ITGA11: variants seen among roughly 807,000 people sequenced by gnomAD.
The protein encoded by ITGA11 is integrin subunit alpha 11.
A neutral mutation model predicts 141.9 loss-of-function variants in ITGA11; 97 were observed. The observed-to-expected ratio is 0.68, with a 90% CI of 0.58 to 0.81. The LOEUF (loss-of-function observed/expected upper bound fraction) is 0.81. Ranked by LOEUF, ITGA11 falls within the 30% of genes least tolerant of loss-of-function variation. The pLI, the probability that ITGA11 is intolerant of heterozygous loss-of-function variation, is 0.00. For synonymous variants in ITGA11, 658 were observed against 624.6 expected (o/e 1.05, Z -0.80); for missense variants, 1,387 against 1,559.2 (o/e 0.89, Z 1.86).
At chr15:68,350,587 G>A (rs1488179401) in intron 9 of ITGA11, 30 bp downstream of exon 9, 1 of 1,601,208 alleles carries the variant, frequency 6.2e-7, no homozygotes, top group Non-Finnish European at 8.5e-7. Context: ...CCAGGAGAGA[G>A]TGGATCCCCT....
chr15:68,311,117 G>A lies in ITGA11; in HGVS notation c.3088-37C>T, dbSNP rs1377862694. Reference sequence around the variant, plus strand: ...ACATGGACACACACACACATACACAGCCTCACAACCAGCTCTGGCAGACGC... The same window carrying A: ...ACATGGACACACACACACATACACAACCTCACAACCAGCTCTGGCAGACGC... On this transcript the variant is annotated intron_variant, in intron 25 of 29. Transcript: ENST00000315757. The A allele has an allele frequency of 4.6e-6, 7 of 1,507,282 alleles. No homozygotes were observed. In the African/African-American group the frequency reaches 9.6e-5, roughly 21 times the overall value. The allele number at this position is 1,507,282 out of a possible 1,614,324, so 93.4% of individuals were successfully genotyped here. A position where few individuals can be genotyped will look rare whatever the true frequency, so the allele number is the denominator to read the frequency against.
intron 2 of ITGA11, among the ~76,000 whole-genome samples, chr15:68,372,992 T>G (rs1031425497): frequency 6.6e-6 from 1 of 152,234 alleles, no homozygotes; most frequent in Non-Finnish European, 1.5e-5. Flanking sequence ...GTATATTAAA[T>G]GTTAGTAATT....
intron 7 of ITGA11, among the ~76,000 whole-genome samples, chr15:68,353,521 A>G: frequency 6.6e-6 from 1 of 152,206 alleles, no homozygotes; most frequent in African/African-American, 2.4e-5. Context: ...TTTATTATAT[A>G]TGGACCCAAG....
chr15:68,352,215 CAG>C (rs1371710511), intron 7 of ITGA11, among the ~76,000 whole-genome samples: 2 of 148,396 alleles, frequency 1.3e-5, no homozygotes, highest in East Asian at 4.0e-4. Context: ...TTAATTGAGA[CAG>C]AGTCTCCCTC....
intron 11 of ITGA11, chr15:68,336,206 C>T: frequency 4.1e-6 from 1 of 244,152 alleles, no homozygotes; most frequent in Non-Finnish European, 7.9e-6. Flanking sequence ...AGACTCTAGC[C>T]TCACTTCAGT....
chr15:68,359,673 T>TA (rs372433290), intron 5 of ITGA11, among the ~76,000 whole-genome samples: 32 of 119,316 alleles, frequency 2.7e-4, no homozygotes, highest in Middle Eastern at 3.8e-3. Context: ...AACAAACAAA[T>TA]AAAAAAAAAA....
chr15:68,361,955 T>A lies in ITGA11; in HGVS notation c.358-251A>T, dbSNP rs1222082939. 7.2e-6 allele frequency: 3 copies of A among 418,162 alleles called. No individual in the cohort carries two copies. The East Asian group carries it at 1.4e-4, about 20-fold the overall frequency. 25.9% of individuals were successfully genotyped at this position (418,162 alleles called of 1,614,324 possible). On this transcript the variant is annotated intron_variant, in intron 4 of 29. Transcript: ENST00000315757. The stretch of plus-strand genomic sequence containing the variant: ...CTTTCATTGTTTTTTCAAGGCCCTG[T>A]TCTCCATCTCATCATTTAGGAATAT...
Position 68,328,337 on chromosome 15 carries a change from A to C in ITGA11, c.1902-75T>G. ...CCTGCTGTGACCATGGGGAAAGACA[A>C]GAACCAGATGCGAGTGGGATCTGCA... On this transcript the variant is annotated intron_variant, in intron 15 of 29. Transcript: ENST00000315757. This position sits in a 1 kb window ranked among gnomAD's most constrained non-coding sequence, Gnocchi z 4.8. 1 of 1,337,422 alleles carries C rather than the reference A, an allele frequency of 7.5e-7. No individual in the cohort carries two copies. Among genetic ancestry groups the C allele is most frequent in the Non-Finnish European group, 1.0e-6 (1 of 975,326 alleles). The allele number at this position is 1,337,422 out of a possible 1,614,324, so 82.8% of individuals were successfully genotyped here. A position where few individuals can be genotyped will look rare whatever the true frequency, so the allele number is the denominator to read the frequency against.
intron 5 of ITGA11, among the ~76,000 whole-genome samples, chr15:68,359,816 G>A (rs1392601412): frequency 3.3e-5 from 5 of 152,116 alleles, no homozygotes; most frequent in African/African-American, 1.2e-4. Context: ...GAGTTACTTT[G>A]AAATAATGCA....
At chr15:68,381,071 G>T (rs1895850754) in intron 2 of ITGA11, among the ~76,000 whole-genome samples, 1 of 152,136 alleles carries the variant, frequency 6.6e-6, no homozygotes, top group African/African-American at 2.4e-5. Flanking sequence ...CTGGAACGGA[G>T]TTAACCTATG....
rs779634081 is a variant in ITGA11 at position 68,307,604 on chromosome 15, C to G, written c.3267G>C (p.Trp1089Cys). 3.7e-6 allele frequency: 6 copies of G among 1,613,116 alleles called. No homozygotes were observed. Among genetic ancestry groups the G allele is most frequent in the South Asian group, 1.1e-5 (1 of 90,938 alleles). Residue 1089 changes from tryptophan (W) to cysteine (C), a missense_variant, in exon 27 of 30, where the codon TGG (tryptophan) becomes TGC (cysteine). Coordinates refer to ENST00000315757, the MANE Select transcript of ITGA11 (RefSeq NM_001004439.2). The surrounding 1 kb of genome is among the most constrained non-coding windows in gnomAD (Gnocchi z 6.1). ...TACTTACTGCTTTTAGGGACCTCAACCACAGGTTCCCCAGTAGATGGAAAT... is the reference window on the plus strand; with the variant it reads ...TACTTACTGCTTTTAGGGACCTCAAGCACAGGTTCCCCAGTAGATGGAAAT... ...EINFHLLGNL[W>C]LRSLKALKYK...
chr15:68,317,355 T>G lies in ITGA11; in HGVS notation c.2625A>C (p.Ser875=), dbSNP rs1567125816. The G allele has an allele frequency of 6.2e-7, 1 of 1,612,440 alleles. No individual in the cohort carries two copies. The highest frequency in any genetic ancestry group is 8.5e-7 in the Non-Finnish European group (1 of 1,178,570). ...CGTTCACACACTCAATGCTACCGTC[T>G]GAGTCCTCCTGGAGGTGGGTGGCAG... is the stretch of plus-strand genomic sequence containing the variant. The part of the protein sequence containing the change: ...QFASLIQKED[S]DGSIECVNEE... Residue 875 remains serine (S), a synonymous_variant, in exon 21 of 30, where the codon TCA becomes TCC. Coordinates refer to ENST00000315757, the MANE Select transcript of ITGA11 (RefSeq NM_001004439.2).
intron 13 of ITGA11, 49 bp downstream of exon 13, chr15:68,332,289 C>G (rs1444134341): frequency 6.4e-7 from 1 of 1,562,122 alleles, no homozygotes; most frequent in Non-Finnish European, 8.7e-7. Flanking sequence ...CAAGTCAAAG[C>G]AGAGGTTGGG....
At chr15:68,327,738 C>T (rs3736492) in intron 16 of ITGA11, among the ~76,000 whole-genome samples, 100,034 of 150,156 alleles carry the variant, frequency 0.67, 36,699 homozygotes, top group South Asian at 0.85. Context: ...TCCAGCACCC[C>T]CCCTGTAGGA....
intron 4 of ITGA11, among the ~76,000 whole-genome samples, chr15:68,364,329 T>C (rs1380567350): frequency 1.3e-5 from 2 of 152,186 alleles, no homozygotes; most frequent in Non-Finnish European, 2.9e-5. Context: ...AGCAGAGATT[T>C]GACCTCCAGC....
intron 2 of ITGA11, among the ~76,000 whole-genome samples, chr15:68,398,453 T>A (rs1304687994): frequency 6.6e-6 from 1 of 150,706 alleles, no homozygotes; most frequent in Non-Finnish European, 1.5e-5. Context: ...AAGAGCTAAC[T>A]ATCCTAAATA....
At position 68,420,686 on chromosome 15, in the gene ITGA11, A is replaced by G. The variant is rs182637206; in HGVS notation, c.52+11329T>C. Among the ~76,000 whole-genome samples, 19 of 152,282 alleles carry G rather than the reference A, an allele frequency of 1.2e-4. 1 individual carries two copies. The highest frequency in any genetic ancestry group is 6.5e-4 in the Admixed American group (10 of 15,290). ...CAGGCGGGTGGGGAGATTTTAACTG[A>G]TTGATTGATTCATTCTTGAACTATT... is the stretch of plus-strand genomic sequence containing the variant. On this transcript the variant is annotated intron_variant, in intron 1 of 29. Coordinates refer to ENST00000315757, the MANE Select transcript of ITGA11 (RefSeq NM_001004439.2).
rs766596534 is a variant in ITGA11, at chr15:68,312,737, T to C, written c.2973+36A>G. On this transcript the variant is annotated intron_variant, in intron 24 of 29. Coordinates refer to ENST00000315757, the MANE Select transcript of ITGA11 (RefSeq NM_001004439.2). The stretch of plus-strand genomic sequence containing the variant: ...CCAGGATGGGGGTGCTCAGATCCCG[T>C]CCTTCCCCCTCTACCCGGCTCCCCT... 2.0e-5 allele frequency: 30 copies of C among 1,501,812 alleles called. 1 individual carries two copies. Among genetic ancestry groups the C allele is most frequent in the Non-Finnish European group, 2.5e-5 (27 of 1,082,242 alleles). 93.0% of individuals were successfully genotyped at this position (1,501,812 alleles called of 1,614,324 possible). A position where few individuals can be genotyped will look rare whatever the true frequency, so the allele number is the denominator to read the frequency against.
At chr15:68,422,771 C>A (rs946535360) in intron 1 of ITGA11, among the ~76,000 whole-genome samples, 1 of 152,198 alleles carries the variant, frequency 6.6e-6, no homozygotes, top group Non-Finnish European at 1.5e-5. Flanking sequence ...CTCTCCCTAA[C>A]CCTCTTGCTG....
Sources: gnomAD v4.1 joint callset for allele counts (sites outside exome capture counted in the v4.1 genomes callset) on GRCh38, gnomAD v4.1.1 for gene constraint, Gnocchi (gnomAD v3.1) non-coding constraint, MANE v1.5 for transcripts, NCBI Gene and HGNC (gene_info 2026-07-23, HGNC 2026-07-21) for gene names.